Variants in SHISA5 observed in about 807,000 individuals in gnomAD.
The protein encoded by SHISA5 is protein shisa-5.
In SHISA5, 21 loss-of-function variants were observed where a neutral mutation model predicts 27.5. The observed-to-expected ratio is 0.76, with a 90% CI of 0.54 to 1.10. The LOEUF (loss-of-function observed/expected upper bound fraction) is 1.10. SHISA5 is among the 50% of genes least tolerant of loss of function. The pLI is 0.00. For synonymous variants in SHISA5, 137 were observed against 142.2 expected (o/e 0.96, Z 0.26); for missense variants, 314 against 336.3 (o/e 0.93, Z 0.52).
intron 2 of SHISA5, among the ~76,000 whole-genome samples, chr3:48,492,514 G>A (rs1224406395): frequency 3.4e-5 from 5 of 147,838 alleles, no homozygotes; most frequent in Admixed American, 6.6e-5. Flanking sequence ...GATCATGAGG[G>A]TGAAGCTGCC....
At chr3:48,502,435 G>C in intron 1 of SHISA5, 1 of 456,622 alleles carries the variant, frequency 2.2e-6, no homozygotes, top group South Asian at 1.5e-5. Context: ...CTCCAAGGCA[G>C]TGGCACCATC....
intron 2 of SHISA5, among the ~76,000 whole-genome samples, chr3:48,479,748 A>G (rs1359613659): frequency 6.6e-6 from 1 of 152,022 alleles, no homozygotes; most frequent in East Asian, 1.9e-4. Flanking sequence ...ACCCGCCACC[A>G]TGCGCAGCTA....
Position 48,479,237 on chromosome 3 carries a change from G to C in SHISA5, c.254C>G (p.Pro85Arg). 7.0e-7 allele frequency: 1 copy of C among 1,433,738 alleles called. No homozygotes were observed. The highest frequency in any genetic ancestry group is 9.2e-7 in the Non-Finnish European group (1 of 1,088,604). The allele number at this position is 1,433,738 out of a possible 1,614,324, so 88.8% of individuals were successfully genotyped here. ...PEASVPASVE[P>R]VEQLGSALRF... is the part of the protein sequence containing the mutation. ...CAGCGCCGAGCCCAGCTGCTCCACC[G>C]GCTCTACACTGGCAGGCACGCTGCA... The change falls in exon 3 of 6, where the codon CCG becomes CGG. Residue 85 changes from proline to arginine, a missense_variant. By Grantham distance (103) the Pro-to-Arg change is moderately radical. Transcript: ENST00000296444.
intron 2 of SHISA5, among the ~76,000 whole-genome samples, chr3:48,489,127 C>T (rs1450848432): frequency 2.0e-5 from 3 of 151,748 alleles, no homozygotes; most frequent in Non-Finnish European, 4.4e-5. Flanking sequence ...CAGCGGCCCA[C>T]ATTCAGGCCA....
intron 3 of SHISA5, among the ~76,000 whole-genome samples, chr3:48,477,312 T>C (rs1166950836): frequency 2.0e-5 from 3 of 152,068 alleles, no homozygotes; most frequent in Non-Finnish European, 4.4e-5. Context: ...GCCAGGCTGG[T>C]CTTGAACTCC....
intron 2 of SHISA5, among the ~76,000 whole-genome samples, chr3:48,494,370 T>C (rs989270604): frequency 1.4e-5 from 2 of 143,914 alleles, no homozygotes; most frequent in Admixed American, 1.4e-4. Flanking sequence ...TGATCTCAGC[T>C]CACTGCAACC....
At chr3:48,498,362 A>G (rs968641825) in intron 2 of SHISA5, among the ~76,000 whole-genome samples, 6 of 152,208 alleles carry the variant, frequency 3.9e-5, no homozygotes, top group Non-Finnish European at 8.8e-5. Context: ...AGCCAACACA[A>G]TAAGGCAAGA....
intron 2 of SHISA5, among the ~76,000 whole-genome samples, chr3:48,483,869 C>T (rs1161688195): frequency 6.6e-6 from 1 of 151,902 alleles, no homozygotes; most frequent in Admixed American, 6.5e-5. Context: ...GGGGGGCTGA[C>T]CCCACCTAGC....
At position 48,501,292 on chromosome 3, in the gene SHISA5, T is replaced by G; in HGVS notation, c.78A>C (p.Ala26=). The change falls in exon 2 of 6, where the codon GCA becomes GCC. Residue 26 remains alanine, a splice_region_variant and synonymous_variant. Coordinates refer to ENST00000296444, the MANE Select transcript of SHISA5 (RefSeq NM_016479.6). Reference sequence around the variant, plus strand: ...GGGAAGCCATACACACCTCACCACGTGCTGGAGAGGAGAAACACATCTGTT... The same window carrying G: ...GGGAAGCCATACACACCTCACCACGGGCTGGAGAGGAGAAACACATCTGTT... ...LLLLLTPPPG[A]RGEVCMASRG... 1 of 1,613,558 alleles carries G rather than the reference T, an allele frequency of 6.2e-7. No homozygotes were observed. The highest frequency in any genetic ancestry group is 8.5e-7 in the Non-Finnish European group (1 of 1,179,662).
rs1444094065 is a variant in SHISA5 at position 48,468,726 on chromosome 3, G to A, written c.*381C>T. 3.8e-6 allele frequency: 5 copies of A among 1,319,630 alleles called. No homozygotes were observed. The highest frequency in any genetic ancestry group is 4.9e-6 in the Non-Finnish European group (5 of 1,010,934). The allele number at this position is 1,319,630 out of a possible 1,614,324, so 81.7% of individuals were successfully genotyped here. The stretch of plus-strand genomic sequence containing the variant: ...AAAGCTGCGCCACCCTGGTGTGACA[G>A]GCCCTACTTGGTCACCCTAGGGTAA... On this transcript the variant is annotated 3_prime_UTR_variant, in exon 6 of 6. Transcript: ENST00000296444.
chr3:48,485,190 A>G (rs2041159195), intron 2 of SHISA5, among the ~76,000 whole-genome samples: 1 of 151,788 alleles, frequency 6.6e-6, no homozygotes. Flanking sequence ...AACGAAAAGA[A>G]ATAAAGAAAA....
intron 3 of SHISA5, among the ~76,000 whole-genome samples, chr3:48,478,643 G>T (rs544752099): frequency 1.3e-5 from 2 of 152,154 alleles, no homozygotes; most frequent in South Asian, 2.1e-4. Context: ...TCCCTGAGAG[G>T]AGAGTCCTGA....
intron 2 of SHISA5, among the ~76,000 whole-genome samples, chr3:48,491,397 T>A (rs541712903): frequency 5.3e-5 from 8 of 151,992 alleles, no homozygotes; most frequent in Middle Eastern, 3.4e-3. Flanking sequence ...GGATTACAGG[T>A]GTGAGGCACC....
At chr3:48,475,970 C>T (rs888337595) in intron 3 of SHISA5, among the ~76,000 whole-genome samples, 30 of 152,346 alleles carry the variant, frequency 2.0e-4, no homozygotes, top group Middle Eastern at 3.4e-3. Context: ...CATCCTCCTG[C>T]GGCAGGGGTT....
chr3:48,468,538 G>C lies in SHISA5; in HGVS notation c.*569C>G. The C allele has an allele frequency of 8.4e-7, 1 of 1,187,478 alleles. No homozygotes were observed. Among genetic ancestry groups the C allele is most frequent in the Non-Finnish European group, 1.1e-6 (1 of 942,066 alleles). 73.6% of individuals were successfully genotyped at this position (1,187,478 alleles called of 1,614,324 possible). On this transcript the variant is annotated 3_prime_UTR_variant, in exon 6 of 6. Coordinates refer to ENST00000296444, the MANE Select transcript of SHISA5 (RefSeq NM_016479.6). The stretch of plus-strand genomic sequence containing the variant: ...CATGACAGGCTCCAGGGAGCAATGG[G>C]ACATCTGCCCAAAGGATCAAAGTCC...
At chr3:48,495,068 A>C (rs1286940053) in intron 2 of SHISA5, among the ~76,000 whole-genome samples, 1 of 146,584 alleles carries the variant, frequency 6.8e-6, no homozygotes, top group East Asian at 1.9e-4. Flanking sequence ...CAGCCTCCCA[A>C]AGTGCTGGGA....
chr3:48,503,147 A>G (rs1429340579), intron 1 of SHISA5: 1 of 1,289,780 alleles, frequency 7.8e-7, no homozygotes. Flanking sequence ...AGGTGAACCC[A>G]TATGCAGCAA....
intron 2 of SHISA5, among the ~76,000 whole-genome samples, chr3:48,482,919 C>T (rs1479064360): frequency 6.6e-6 from 1 of 151,812 alleles, no homozygotes; most frequent in Non-Finnish European, 1.5e-5. Context: ...AGGTGTGAGC[C>T]ACCGTGCCCG....
At chr3:48,496,637 G>A (rs529108038) in intron 2 of SHISA5, among the ~76,000 whole-genome samples, 2 of 152,178 alleles carry the variant, frequency 1.3e-5, no homozygotes, top group African/African-American at 4.8e-5. Context: ...GGGAGGCTGA[G>A]GCAGTAGAAT....
Sources: gnomAD v4.1 joint callset for allele counts (sites outside exome capture counted in the v4.1 genomes callset) on GRCh38, gnomAD v4.1.1 for gene constraint, MANE v1.5 for transcripts, NCBI Gene and HGNC (gene_info 2026-07-23, HGNC 2026-07-21) for gene names.